The following STK39 variants were observed in gnomAD, a reference collection of about 807,000 sequenced individuals.
STK39 encodes the protein STE20/SPS1-related proline-alanine-rich protein kinase.
Under a neutral mutation model 77.8 loss-of-function variants are expected in STK39, and 20 were observed. The observed-to-expected ratio is 0.26, with a 90% confidence interval of 0.18 to 0.37. The LOEUF is 0.37. Among genes scored for constraint, STK39 ranks in the 10% least tolerant of loss-of-function variants. The pLI, the probability that STK39 is intolerant of heterozygous loss-of-function variation, is 1.00. For missense variants in STK39, 479 were observed against 656.5 expected (o/e 0.73, Z 2.95); for synonymous variants, 246 against 234.1 (o/e 1.05, Z -0.47).
chr2:168,162,386 T>C (rs1688596723), intron 4 of STK39, among the ~76,000 whole-genome samples: 1 of 151,812 alleles, frequency 6.6e-6, no homozygotes, highest in African/African-American at 2.4e-5. Context: ...AAATATTTTC[T>C]ATGAAATAAT....
chr2:168,016,762 T>C (rs941941032), intron 15 of STK39, among the ~76,000 whole-genome samples: 7 of 152,236 alleles, frequency 4.6e-5, no homozygotes, highest in Non-Finnish European at 1.0e-4. Flanking sequence ...CTTTAGGGCC[T>C]GCATTACCAT....
At chr2:167,988,840 G>A (rs1683626458) in intron 16 of STK39, among the ~76,000 whole-genome samples, 1 of 152,140 alleles carries the variant, frequency 6.6e-6, no homozygotes, top group Non-Finnish European at 1.5e-5. Flanking sequence ...GGAACAAAGA[G>A]GACTGAGAAG....
At chr2:168,074,171 T>C (rs16854641) in intron 12 of STK39, among the ~76,000 whole-genome samples, 3,561 of 152,278 alleles carry the variant, frequency 0.023, 115 homozygotes, top group African/African-American at 0.073. Flanking sequence ...AACTCCATGA[T>C]GACAGGTACT....
intron 16 of STK39, among the ~76,000 whole-genome samples, chr2:167,981,269 A>T (rs4553782): frequency 0.56 from 85,051 of 152,032 alleles, 24,865 homozygotes; most frequent in African/African-American, 0.67. Context: ...AGAAAAAAAG[A>T]CAGCTGAACT....
intron 14 of STK39, among the ~76,000 whole-genome samples, chr2:168,059,035 T>C (rs1685595930): frequency 6.6e-6 from 1 of 152,236 alleles, no homozygotes; most frequent in Admixed American, 6.5e-5. Flanking sequence ...CTGCCTGCAC[T>C]GGTTACCTGG....
At chr2:168,113,108 A>C (rs1299162945) in intron 10 of STK39, 1 of 152,218 alleles carries the variant, frequency 6.6e-6, no homozygotes, top group Non-Finnish European at 1.5e-5. Flanking sequence ...CCATTGTCTA[A>C]ATAGAAACTC....
chr2:168,134,508 G>C (rs1472099267), intron 8 of STK39, among the ~76,000 whole-genome samples: 2 of 114,620 alleles, frequency 1.7e-5, no homozygotes, highest in African/African-American at 3.9e-5. Context: ...CATCCCCCTT[G>C]TTGCAAAAAA....
chr2:168,083,214 C>T (rs2105419543), intron 10 of STK39, among the ~76,000 whole-genome samples: 1 of 151,720 alleles, frequency 6.6e-6, no homozygotes, highest in South Asian at 2.1e-4. Context: ...CCTGATCTGC[C>T]CTTCCACATT....
chr2:168,047,416 T>C (rs1685273193), intron 14 of STK39, among the ~76,000 whole-genome samples: 2 of 152,192 alleles, frequency 1.3e-5, no homozygotes, highest in South Asian at 4.1e-4. Context: ...GGGAGCAAAA[T>C]GGTGCAACCA....
At chr2:168,178,673 T>C (rs899012700) in intron 2 of STK39, among the ~76,000 whole-genome samples, 12 of 152,236 alleles carry the variant, frequency 7.9e-5, no homozygotes, top group Admixed American at 2.0e-4. Context: ...TCATCAATTA[T>C]TTAGCACCAA....
At position 168,010,410 on chromosome 2, in the gene STK39, G is replaced by A. The variant is rs188560816; in HGVS notation, c.1498+2224C>T. 2.0e-5 allele frequency among the ~76,000 whole-genome samples: 3 copies of A among 152,294 alleles called. No individual in the cohort carries two copies. In the East Asian group the frequency reaches 5.8e-4, roughly 29 times the overall value. The stretch of plus-strand genomic sequence containing the variant: ...GGTAGGTGAACATAATGAATTCTTA[G>A]ACAGAATTTAAAGTAGACCCCAAAG... On this transcript the variant is annotated intron_variant, in intron 16 of 17. Coordinates refer to ENST00000355999, the MANE Select transcript of STK39 (RefSeq NM_013233.3).
chr2:168,150,197 CTCCACAGGT>C (rs1688243760), intron 5 of STK39, among the ~76,000 whole-genome samples: 1 of 152,250 alleles, frequency 6.6e-6, no homozygotes, highest in African/African-American at 2.4e-5. Flanking sequence ...GCACAGCCAA[CTCCACAGGT>C]TCCTCTTTCA....
chr2:167,967,117 T>C (rs1368508252), intron 16 of STK39, among the ~76,000 whole-genome samples: 1 of 152,214 alleles, frequency 6.6e-6, no homozygotes. Flanking sequence ...ACACTGACCT[T>C]TGTGTTGTAA....
rs545828488 is a variant in STK39 at position 168,058,343 on chromosome 2, C to A, written c.1376+5157G>T. ...TTTTTTAGGAACATCACTCTCTCCT[C>A]TACCTCACCAGCCTCTCCTTCTCAA... On this transcript the variant is annotated intron_variant, in intron 14 of 17. Coordinates refer to ENST00000355999, the MANE Select transcript of STK39 (RefSeq NM_013233.3). Among the ~76,000 whole-genome samples, 26 of 152,318 alleles carry A rather than the reference C, an allele frequency of 1.7e-4. No individual in the cohort carries two copies. In the South Asian group the frequency reaches 5.4e-3, roughly 32 times the overall value.
At chr2:168,054,780 A>C (rs1392427044) in intron 14 of STK39, among the ~76,000 whole-genome samples, 2 of 151,466 alleles carry the variant, frequency 1.3e-5, no homozygotes, top group Admixed American at 1.3e-4. Context: ...AAAAAAACAA[A>C]AAAAAAAACT....
At chr2:168,159,044 G>A (rs1400642) in intron 5 of STK39, among the ~76,000 whole-genome samples, 75,543 of 151,914 alleles carry the variant, frequency 0.5, 18,967 homozygotes, top group East Asian at 0.63. Flanking sequence ...TTATACATAT[G>A]TAAAAGTGAG....
intron 1 of STK39, among the ~76,000 whole-genome samples, chr2:168,186,865 T>C (rs532442000): frequency 2.0e-5 from 3 of 152,268 alleles, no homozygotes; most frequent in African/African-American, 4.8e-5. Context: ...CCAGGAAGAT[T>C]AGACTGGTTT....
chr2:168,093,410 G>A (rs957312828), intron 10 of STK39, among the ~76,000 whole-genome samples: 2 of 152,202 alleles, frequency 1.3e-5, no homozygotes, highest in South Asian at 2.1e-4. Context: ...GCAGGCACAT[G>A]AGCATGTGCA....
At chr2:167,997,945 T>C (rs1437157296) in intron 16 of STK39, among the ~76,000 whole-genome samples, 1 of 152,204 alleles carries the variant, frequency 6.6e-6, no homozygotes, top group African/African-American at 2.4e-5. Flanking sequence ...AAACCAGCAA[T>C]TTAACGAATT....
Sources: allele counts gnomAD v4.1 joint callset (sites outside exome capture counted in the v4.1 genomes callset), GRCh38; gene constraint gnomAD v4.1.1; transcripts MANE v1.5; gene names NCBI Gene and HGNC (gene_info 2026-07-23, HGNC 2026-07-21).